The following LPA variants were observed in gnomAD, a reference collection of about 807,000 sequenced individuals.
LPA encodes the protein lipoprotein(a), also known as apolipoprotein(a).
Under a neutral mutation model 197.9 loss-of-function variants are expected in LPA, and 199 were observed. That is an observed-to-expected ratio of 1.01 (90% CI 0.90 to 1.13). The LOEUF (loss-of-function observed/expected upper bound fraction) is 1.13. Ranked by LOEUF, LPA falls within the 50% of genes most tolerant of loss-of-function variation. LPA has a pLI of 0.00. For synonymous variants in LPA, 715 were observed against 639.5 expected, an observed-to-expected ratio of 1.12 and a Z score of -1.78; for missense variants, 1,853 against 1,785.8, an observed-to-expected ratio of 1.04 and a Z score of -0.68.
intron 2 of LPA, among the ~76,000 whole-genome samples, chr6:160,648,679 T>C (rs1048830958): frequency 3.9e-5 from 6 of 152,158 alleles, no homozygotes; most frequent in Admixed American, 1.3e-4. Context: ...TATTTTCTTC[T>C]GAAATGTCTA....
intron 37 of LPA, among the ~76,000 whole-genome samples, chr6:160,533,618 A>G (rs993813231): frequency 1.3e-5 from 2 of 152,244 alleles, no homozygotes; most frequent in Non-Finnish European, 2.9e-5. Flanking sequence ...TCTATCTCAC[A>G]GTAACATTGC....
chr6:160,650,541 CA>C, intron 1 of LPA, 44 bp from the exon 2 acceptor site: 1 of 1,598,586 alleles, frequency 6.3e-7, no homozygotes. Context: ...GTTCTTAGAA[CA>C]GAAAAAAATG....
At chr6:160,568,925 G>A (rs1778512387) in intron 28 of LPA, among the ~76,000 whole-genome samples, 2 of 152,100 alleles carry the variant, frequency 1.3e-5, no homozygotes, top group African/African-American at 4.8e-5. Context: ...CAACTTACAA[G>A]GGATGGGAAG....
intron 28 of LPA, among the ~76,000 whole-genome samples, chr6:160,576,357 TATATATATAC>T (rs1479033744): frequency 1.9e-3 from 96 of 51,044 alleles, no homozygotes; most frequent in African/African-American, 0.012. Context: ...TATATATATA[TATATATATAC>T]ATATATATAT....
At position 160,578,706 on chromosome 6, in the gene LPA, T is replaced by C. The variant is rs199583644; in HGVS notation, c.4290-2A>G. Reference sequence around the variant, plus strand: ...CTGCAGTAGTTCCTGGTCAGGCCACTGCAAATTTCAAAACAACACAGGTCA... The same window carrying C: ...CTGCAGTAGTTCCTGGTCAGGCCACCGCAAATTTCAAAACAACACAGGTCA... On this transcript the variant is annotated splice_acceptor_variant, in intron 26 of 38. Transcript: ENST00000316300. LOFTEE classifies it high-confidence loss of function. 1.0e-4 allele frequency: 166 copies of C among 1,613,734 alleles called. No homozygotes were observed. The African/African-American group carries it at 2.1e-3, about 21-fold the overall frequency.
rs763378063 is a variant in LPA, at chr6:160,606,654, A to G, written c.2608T>C (p.Leu870=). 6.2e-7 allele frequency: 1 copy of G among 1,614,014 alleles called. No homozygotes were observed. The highest frequency in any genetic ancestry group is 8.5e-7 in the Non-Finnish European group (1 of 1,179,936). The change falls in exon 17 of 39, where the codon TTG becomes CTG. Residue 870 remains leucine (L), a synonymous_variant. Transcript: ENST00000316300. ...RTPEYYPNAG[L]IMNYCRNPDP... ...GGATTCCTGCAGTAGTTCATGATCA[A>G]GCCACTGGAAATTCCAAAACGATAC...
At chr6:160,609,940 A>T (rs1173227154) in intron 16 of LPA, among the ~76,000 whole-genome samples, 1 of 152,064 alleles carries the variant, frequency 6.6e-6, no homozygotes, top group Non-Finnish European at 1.5e-5. Context: ...TAATTTCTTC[A>T]TTTAAGACAT....
chr6:160,657,436 G>A (rs937069531), intron 1 of LPA, among the ~76,000 whole-genome samples: 1 of 126,698 alleles, frequency 7.9e-6, no homozygotes, highest in Non-Finnish European at 1.6e-5. Context: ...GTCTTGCTCT[G>A]TTACCAGGCT....
chr6:160,649,979 A>G (rs2115098139), intron 2 of LPA, among the ~76,000 whole-genome samples: 1 of 152,330 alleles, frequency 6.6e-6, no homozygotes, highest in East Asian at 1.9e-4. Flanking sequence ...GAAAAGGCCA[A>G]CACAACCTTC....
At chr6:160,605,575 A>AC (rs1309415656) in intron 17 of LPA, among the ~76,000 whole-genome samples, 1 of 152,192 alleles carries the variant, frequency 6.6e-6, no homozygotes, top group East Asian at 1.9e-4. Flanking sequence ...GGGGCAGCAA[A>AC]CAGCAAAGCA....
Position 160,531,823 on chromosome 6 carries a change from C to A in LPA, c.6029G>T (p.Trp2010Leu), listed in dbSNP as rs758269477. Residue 2010 changes from tryptophan to leucine, a missense_variant, in exon 39 of 39, where the codon TGG becomes TTG. Around this residue, in one of 3 missense-constraint regions of LPA, gnomAD observed 1,737 missense variants for 1,504.4 expected, o/e 1.15. Coordinates refer to ENST00000316300, the MANE Select transcript of LPA (RefSeq NM_005577.4). ...DKYILQGVTS[W>L]GLGCARPNKP... ...ATTGGGGCGTGCACAGCCAAGACCCCAAGAAGTGACTCCTTGTAAAATGTA... is the reference window on the plus strand; with the variant it reads ...ATTGGGGCGTGCACAGCCAAGACCCAAAGAAGTGACTCCTTGTAAAATGTA... 2.5e-6 allele frequency: 4 copies of A among 1,613,990 alleles called. No individual in the cohort carries two copies. The highest frequency in any genetic ancestry group is 3.4e-6 in the Non-Finnish European group (4 of 1,180,010).
At chr6:160,578,464 G>A (rs547586738) in intron 27 of LPA, 59 bp downstream of exon 27, 2 of 1,603,808 alleles carry the variant, frequency 1.2e-6, no homozygotes, top group Non-Finnish European at 1.7e-6. Flanking sequence ...TTCTGCATCA[G>A]TAAGATTTTC....
chr6:160,534,215 C>G (rs761306874), intron 37 of LPA, among the ~76,000 whole-genome samples: 3 of 152,204 alleles, frequency 2.0e-5, no homozygotes, highest in African/African-American at 7.2e-5. Flanking sequence ...ACCTGGACTG[C>G]ACAGATGTGT....
rs762956008 is a variant in LPA, at chr6:160,605,169, T to C, written c.2822A>G (p.Tyr941Cys). Residue 941 changes from tyrosine (Y) to cysteine (C), a missense_variant, in exon 18 of 39, where the codon TAC becomes TGC. Physicochemically the swap from Tyr to Cys is radical, Grantham distance 194. Transcript: ENST00000316300. ...TTGATAACTCTGTCCATTTCCGTGG[T>C]AGCACTCCTGCACCCCAGGCCTTTG... ...TEQRPGVQEC[Y>C]HGNGQSYQGT... 4.3e-6 allele frequency: 7 copies of C among 1,613,980 alleles called. No homozygotes were observed. In the Admixed American group the frequency reaches 1.2e-4, roughly 27 times the overall value.
chr6:160,584,433 G>T (rs529284238), intron 26 of LPA, among the ~76,000 whole-genome samples: 1 of 149,532 alleles, frequency 6.7e-6, no homozygotes, highest in South Asian at 2.1e-4. Flanking sequence ...CCAGGCTCAA[G>T]TGTTTCTCCT....
At chr6:160,609,278 T>C (rs982493169) in intron 16 of LPA, among the ~76,000 whole-genome samples, 1 of 152,120 alleles carries the variant, frequency 6.6e-6, no homozygotes, top group African/African-American at 2.4e-5. Flanking sequence ...TGGATGATCT[T>C]CAAGGCATTT....
In LPA at chr6:160,537,975, ATTAGCAGTTATGTTTC is replaced by A; in HGVS notation, c.5736-30_5736-15del. The A allele has an allele frequency of 1.9e-6, 3 of 1,612,004 alleles. No homozygotes were observed. The highest frequency in any genetic ancestry group is 2.2e-5 in the South Asian group (2 of 90,978). On this transcript the variant is annotated splice_polypyrimidine_tract_variant and intron_variant, in intron 36 of 38. Transcript: ENST00000316300. ...ATGACGGCAGGCCTGTAAGGAAAGT[ATTAGCAGTTATGTTTC>A]ACTGCCCAGCTGGAAGTGGCAGTAC...
intron 28 of LPA, among the ~76,000 whole-genome samples, chr6:160,566,323 T>G (rs1186034775): frequency 2.0e-5 from 3 of 151,590 alleles, no homozygotes; most frequent in Non-Finnish European, 4.4e-5. Context: ...CAGAAGAGAG[T>G]GGCAGCCAAT....
intron 19 of LPA, 115 bp downstream of exon 19, chr6:160,600,802 C>A (rs1779223264): frequency 2.4e-6 from 3 of 1,243,978 alleles, no homozygotes; most frequent in African/African-American, 3.0e-5. Context: ...ACATGGCAGA[C>A]CCAGAACCAA....
Sources: allele counts gnomAD v4.1 joint callset (sites outside exome capture counted in the v4.1 genomes callset), GRCh38; gene constraint gnomAD v4.1.1; regional missense constraint gnomAD v4.1.1; transcripts MANE v1.5; gene names NCBI Gene and HGNC (gene_info 2026-07-23, HGNC 2026-07-21).